Variants in NBPF20 observed in about 807,000 individuals in gnomAD.
The protein encoded by NBPF20 is NBPF member 20.
Under a neutral mutation model 68.1 loss-of-function variants are expected in NBPF20, and 90 were observed. That is an observed-to-expected ratio of 1.32 (90% CI 1.11 to 1.58). NBPF20 has a LOEUF of 1.58. NBPF20 is among the 40% of genes most tolerant of loss of function. The probability of loss-of-function intolerance (pLI) is 0.00; values close to 1 mark genes in which losing one functional copy is unlikely to be tolerated. For missense variants in NBPF20, 816 were observed against 601.2 expected, an observed-to-expected ratio of 1.36 and a Z score of -3.74; for synonymous variants, 290 against 228.1, an observed-to-expected ratio of 1.27 and a Z score of -2.45.
the NBPF20 span, among the ~76,000 whole-genome samples, chr1:145,411,013 A>AT: frequency 0.025 from 3,452 of 140,510 alleles, 73 homozygotes; most frequent in Non-Finnish European, 0.04. Flanking sequence ...TATATATTCC[A>AT]TTTTTTTTTC....
At chr1:145,419,762 C>T in the NBPF20 span, among the ~76,000 whole-genome samples, 7 of 152,122 alleles carry the variant, frequency 4.6e-5, no homozygotes, top group Non-Finnish European at 8.8e-5. Flanking sequence ...GGGGTAGTGA[C>T]CTGAGATTTA....
chr1:145,307,164 G>A (rs1398543723), intron 118 of NBPF20, among the ~76,000 whole-genome samples: 6,986 of 23,648 alleles, frequency 0.3, 145 homozygotes, highest in Non-Finnish European at 0.35. Flanking sequence ...GAATGAAGGA[G>A]GAAATCTACA....
At chr1:145,419,039 G>A in the NBPF20 span, among the ~76,000 whole-genome samples, 1 of 140,474 alleles carries the variant, frequency 7.1e-6, no homozygotes, top group Non-Finnish European at 1.5e-5. Flanking sequence ...AAGAAAGGAA[G>A]AAAGGAAAGA....
At chr1:145,397,563 T>C (rs1403895690) in intron 7 of NBPF20, among the ~76,000 whole-genome samples, 443 of 152,190 alleles carry the variant, frequency 2.9e-3, no homozygotes, top group African/African-American at 0.01. Context: ...CAGGCCTGCC[T>C]TACAAGAGCT....
At chr1:145,366,591 G>C (rs61801149) in intron 43 of NBPF20, among the ~76,000 whole-genome samples, 1 of 97,142 alleles carries the variant, frequency 1.0e-5, no homozygotes, top group African/African-American at 4.4e-5. Context: ...CACACACACA[G>C]ACACACACAC....
At chr1:145,407,426 C>T (rs1264700361), upstream of NBPF20, among the ~76,000 whole-genome samples, 1 of 145,224 alleles carries the variant, frequency 6.9e-6, no homozygotes, top group Non-Finnish European at 1.5e-5. Context: ...TACATGTATA[C>T]ACGTATACAT....
chr1:145,400,809 T>C (rs1662487822), intron 5 of NBPF20, among the ~76,000 whole-genome samples: 1 of 152,092 alleles, frequency 6.6e-6, no homozygotes, highest in African/African-American at 2.4e-5. Flanking sequence ...CTGCTGTTCA[T>C]TGCACTGGAC....
upstream of NBPF20, among the ~76,000 whole-genome samples, chr1:145,410,103 T>G (rs1419953028): frequency 6.6e-6 from 1 of 152,048 alleles, no homozygotes; most frequent in Non-Finnish European, 1.5e-5. Flanking sequence ...AAGAAACTGT[T>G]AGATTTTCAA....
At chr1:145,410,337 C>G (rs1157001247), upstream of NBPF20, among the ~76,000 whole-genome samples, 1 of 145,958 alleles carries the variant, frequency 6.9e-6, no homozygotes, top group South Asian at 2.2e-4. Flanking sequence ...TTTTTTGAGA[C>G]GGAGTCTCGC....
the NBPF20 span, among the ~76,000 whole-genome samples, chr1:145,421,724 A>T: frequency 2.0e-5 from 3 of 152,250 alleles, no homozygotes; most frequent in Admixed American, 6.5e-5. Context: ...AAATCTTTTA[A>T]ATTAGAAAAA....
chr1:145,405,470 G>T (rs1214097483), exon 1 of NBPF20: 2 of 1,543,644 alleles, frequency 1.3e-6, no homozygotes, highest in Non-Finnish European at 1.7e-6. Context: ...CAAAAACAAG[G>T]TTCAAGGTGC....
upstream of NBPF20, among the ~76,000 whole-genome samples, chr1:145,408,409 A>G (rs1662891413): frequency 6.6e-6 from 1 of 152,066 alleles, no homozygotes; most frequent in Admixed American, 6.6e-5. Flanking sequence ...AAAAGATTCT[A>G]CTAAAAAAAA....
intron 29 of NBPF20, among the ~76,000 whole-genome samples, chr1:145,377,707 G>A: frequency 8.1e-6 from 1 of 122,810 alleles, no homozygotes; most frequent in Non-Finnish European, 1.7e-5. Flanking sequence ...CTGATGAAGG[G>A]GTCAAAGGAC....
chr1:145,400,193 TTGAG>T (rs1662452173), intron 6 of NBPF20, among the ~76,000 whole-genome samples, 192 bp downstream of exon 11: 1 of 152,082 alleles, frequency 6.6e-6, no homozygotes, highest in Non-Finnish European at 1.5e-5. Context: ...TTGCCTGGGG[TTGAG>T]TAACTTGATA....
chr1:145,414,993 G>C, the NBPF20 span, among the ~76,000 whole-genome samples: 1 of 152,128 alleles, frequency 6.6e-6, no homozygotes, highest in African/African-American at 2.4e-5. Context: ...CCAGGGGACC[G>C]GCGTTCAGCA....
At chr1:145,291,368 A>T (rs1474383847) in exon 138 of NBPF20, 67 of 1,522,858 alleles carry the variant, frequency 4.4e-5, no homozygotes, top group Non-Finnish European at 5.4e-5. Flanking sequence ...GACTGAGCAC[A>T]GGTTGCCACT....
At chr1:145,410,390 C>T (rs1384032016), upstream of NBPF20, among the ~76,000 whole-genome samples, 1 of 150,066 alleles carries the variant, frequency 6.7e-6, no homozygotes, top group African/African-American at 2.4e-5. Flanking sequence ...TCTCGGCTCA[C>T]TGCAAGCTCC....
chr1:145,412,442 G>A, the NBPF20 span, among the ~76,000 whole-genome samples: 1 of 151,994 alleles, frequency 6.6e-6, no homozygotes, highest in Non-Finnish European at 1.5e-5. Context: ...TACATAAAGG[G>A]AGGGGACACA....
chr1:145,291,804 G>T (rs1553657806), intron 137 of NBPF20, 35 bp from the exon 143 acceptor site: 1 of 1,611,740 alleles, frequency 6.2e-7, no homozygotes, highest in Non-Finnish European at 8.5e-7. Flanking sequence ...AAGCAGCCAG[G>T]GAAAATCAGA....
Sources: allele counts gnomAD v4.1 joint callset (sites outside exome capture counted in the v4.1 genomes callset), GRCh38; gene constraint gnomAD v4.1.1; transcripts MANE v1.5; gene names NCBI Gene and HGNC (gene_info 2026-07-23, HGNC 2026-07-21).